The following SLC4A5 variants were observed in gnomAD, a reference collection of about 807,000 sequenced individuals.
The protein encoded by SLC4A5 is solute carrier family 4 member 5.
A neutral mutation model predicts 120.4 loss-of-function variants in SLC4A5; 96 were observed. That is an observed-to-expected ratio of 0.80 (90% CI 0.68 to 0.94). SLC4A5 has a LOEUF of 0.94. SLC4A5 is among the 40% of genes least tolerant of loss of function. The pLI, the probability that SLC4A5 is intolerant of heterozygous loss-of-function variation, is 0.00. For missense variants in SLC4A5, 1,259 were observed against 1,459.5 expected (o/e 0.86, Z 2.24); for synonymous variants, 550 against 571.1 (o/e 0.96, Z 0.53).
chr2:74,239,381 G>C, exon 21 of SLC4A5: 1 of 1,614,190 alleles, frequency 6.2e-7, no homozygotes, highest in Non-Finnish European at 8.5e-7. Context: ...CAGGGTCAGG[G>C]TCATGGAGTA....
At chr2:74,310,139 T>A (rs28780686) in intron 6 of SLC4A5, among the ~76,000 whole-genome samples, 5,834 of 152,288 alleles carry the variant, frequency 0.038, 383 homozygotes, top group African/African-American at 0.13. Context: ...GTCTTTTGTA[T>A]CCTAAGACTT....
intron 5 of SLC4A5, among the ~76,000 whole-genome samples, chr2:74,325,435 C>T (rs1340595046): frequency 6.6e-6 from 1 of 152,156 alleles, no homozygotes; most frequent in Admixed American, 6.5e-5. Flanking sequence ...GAAGCTCCCT[C>T]CCAGGAATAT....
At chr2:74,239,577 T>G in intron 20 of SLC4A5, 42 bp from the exon 21 acceptor site, 1 of 1,598,736 alleles carries the variant, frequency 6.3e-7, no homozygotes. Flanking sequence ...AGCATCTTCC[T>G]GATGAGTCAG....
Position 74,231,429 on chromosome 2 carries a change from G to A in SLC4A5, c.2775-121C>T, listed in dbSNP as rs868268541. On this transcript the variant is annotated intron_variant, in intron 24 of 30. Transcript: ENST00000394019. ...CAAGGCCATGGCCTTGAGGGCTTCT[G>A]CATGAAGCTCTGCCTGGTTGCCTGA... 9.7e-6 allele frequency: 8 copies of A among 823,570 alleles called. No homozygotes were observed. The Middle Eastern group carries it at 2.0e-3, about 203-fold the overall frequency. The allele number at this position is 823,570 out of a possible 1,614,324, so 51.0% of individuals were successfully genotyped here.
intron 5 of SLC4A5, among the ~76,000 whole-genome samples, chr2:74,321,064 T>C (rs1472623297): frequency 6.6e-6 from 1 of 152,226 alleles, no homozygotes; most frequent in East Asian, 1.9e-4. Flanking sequence ...GGTGTCCATT[T>C]TTAGTGATCA....
intron 8 of SLC4A5, among the ~76,000 whole-genome samples, chr2:74,267,175 G>A (rs1024727006): frequency 6.6e-6 from 1 of 152,230 alleles, no homozygotes; most frequent in African/African-American, 2.4e-5. Context: ...TCCTGTGTCA[G>A]TGAAAACATG....
intron 24 of SLC4A5, 46 bp downstream of exon 24, chr2:74,232,423 T>G (rs1178882841): frequency 1.9e-6 from 3 of 1,578,672 alleles, no homozygotes; most frequent in Non-Finnish European, 8.6e-7. Context: ...CCTCCCCGAG[T>G]GGGCCCCTCC....
At chr2:74,329,265 G>A (rs527570400) in intron 4 of SLC4A5, among the ~76,000 whole-genome samples, 17 of 152,144 alleles carry the variant, frequency 1.1e-4, no homozygotes, top group Non-Finnish European at 2.1e-4. Flanking sequence ...AGAGGTGTGA[G>A]GTGTAGATGG....
chr2:74,234,895 G>C (rs1270968610), intron 22 of SLC4A5, among the ~76,000 whole-genome samples: 2 of 152,208 alleles, frequency 1.3e-5, no homozygotes, highest in Admixed American at 6.5e-5. Context: ...CTATAGATCA[G>C]GATTTCCTGG....
At chr2:74,280,476 G>A (rs1309469200) in intron 8 of SLC4A5, among the ~76,000 whole-genome samples, 1 of 152,156 alleles carries the variant, frequency 6.6e-6, no homozygotes, top group Non-Finnish European at 1.5e-5. Context: ...CAGGCTCAGG[G>A]CTTGCAGATA....
At chr2:74,260,523 G>A (rs997910179) in intron 11 of SLC4A5, among the ~76,000 whole-genome samples, 1 of 152,008 alleles carries the variant, frequency 6.6e-6, no homozygotes, top group Non-Finnish European at 1.5e-5. Context: ...GTCCCCTCTG[G>A]CACCTCAAAT....
At chr2:74,319,350 T>TA (rs1258420298) in intron 5 of SLC4A5, 1 of 152,200 alleles carries the variant, frequency 6.6e-6, no homozygotes, top group Non-Finnish European at 1.5e-5. Context: ...TTGTACTCCC[T>TA]AAATATATAT....
At chr2:74,268,868 C>T (rs1047169641) in intron 8 of SLC4A5, among the ~76,000 whole-genome samples, 11 of 152,308 alleles carry the variant, frequency 7.2e-5, no homozygotes, top group African/African-American at 2.4e-4. Context: ...TTCCTCTTCA[C>T]GTAACTGTAT....
chr2:74,231,166 C>T, intron 25 of SLC4A5, 70 bp downstream of exon 25: 9 of 1,466,924 alleles, frequency 6.1e-6, no homozygotes, highest in Non-Finnish European at 8.4e-6. Context: ...GTGGGGACCC[C>T]CTCCCTGCCT....
intron 19 of SLC4A5, among the ~76,000 whole-genome samples, chr2:74,245,637 A>G (rs1172531602): frequency 1.3e-5 from 2 of 152,238 alleles, no homozygotes; most frequent in African/African-American, 2.4e-5. Context: ...TGACAGAAAA[A>G]AAGAAAGAAA....
intron 23 of SLC4A5, 95 bp downstream of exon 23, chr2:74,233,307 C>T (rs763425802): frequency 1.2e-5 from 18 of 1,459,914 alleles, no homozygotes; most frequent in Non-Finnish European, 1.7e-5. Context: ...TTTTCCTGGC[C>T]CAAAGTACTG....
At chr2:74,232,331 C>T in intron 24 of SLC4A5, 138 bp downstream of exon 24, 2 of 990,820 alleles carry the variant, frequency 2.0e-6, no homozygotes, top group Non-Finnish European at 3.0e-6. Context: ...AGGGATAGCA[C>T]TCCTGTCCCT....
chr2:74,255,809 G>GT lies in SLC4A5; in HGVS notation c.990_991insA (p.Leu331ThrfsTer29). 6.2e-7 allele frequency: 1 copy of GT among 1,614,190 alleles called. No individual in the cohort carries two copies. Among genetic ancestry groups the GT allele is most frequent in the Non-Finnish European group, 8.5e-7 (1 of 1,180,024 alleles). On this transcript the variant is annotated frameshift_variant, in exon 13 of 31. Coordinates refer to ENST00000394019, the Ensembl canonical transcript of SLC4A5. LOFTEE classifies it high-confidence loss of function. This position sits in a 1 kb window ranked among gnomAD's most constrained non-coding sequence, Gnocchi z 4.0. ...ACAGGCACCTCGGTCACTCCTCCCA[G>GT]CATGGCCGACTGGATGAGGCGCACG...
intron 7 of SLC4A5, among the ~76,000 whole-genome samples, chr2:74,292,731 GACTTCA>G (rs2104208147): frequency 6.6e-6 from 1 of 152,210 alleles, no homozygotes; most frequent in East Asian, 1.9e-4. Flanking sequence ...AAGCAGTGTG[GACTTCA>G]ACTCTTAGTA....
Sources: allele counts gnomAD v4.1 joint callset (sites outside exome capture counted in the v4.1 genomes callset), GRCh38; gene constraint gnomAD v4.1.1; non-coding constraint Gnocchi (gnomAD v3.1); transcripts MANE v1.5; gene names NCBI Gene and HGNC (gene_info 2026-07-23, HGNC 2026-07-21).